STXBP5L: variants seen among roughly 807,000 people sequenced by gnomAD.
The protein encoded by STXBP5L is syntaxin-binding protein 5-like.
In STXBP5L, 65 loss-of-function variants were observed where a neutral mutation model predicts 144.5. The observed-to-expected ratio is 0.45, with a 90% CI of 0.37 to 0.55. The LOEUF is 0.55. Among genes scored for constraint, STXBP5L ranks in the 20% least tolerant of loss-of-function variants. The pLI, the probability that STXBP5L is intolerant of heterozygous loss-of-function variation, is 0.00. For synonymous variants in STXBP5L, 505 were observed against 469.6 expected (o/e 1.08, Z -0.97); for missense variants, 1,298 against 1,405.5 (o/e 0.92, Z 1.22).
In STXBP5L at chr3:121,007,058, G is replaced by T. The variant is rs889786813; in HGVS notation, c.288-34642G>T. 2.6e-5 allele frequency among the ~76,000 whole-genome samples: 4 copies of T among 152,058 alleles called. No homozygotes were observed. The East Asian group carries it at 5.8e-4, about 22-fold the overall frequency. On this transcript the variant is annotated intron_variant, in intron 3 of 26. Coordinates refer to ENST00000471454, the MANE Select transcript of STXBP5L (RefSeq NM_001308330.2). ...GTTGCTCTTCTTGAGGAGTATCTTT[G>T]TGGCGTTCTCTGTATTTCCTGAATT...
intron 9 of STXBP5L, among the ~76,000 whole-genome samples, chr3:121,181,776 A>G (rs938631793): frequency 2.6e-5 from 4 of 151,994 alleles, no homozygotes; most frequent in Non-Finnish European, 4.4e-5. Context: ...ACAAACAAAC[A>G]AAAAACAACC....
chr3:121,360,531 G>A lies in STXBP5L; in HGVS notation c.2177-18185G>A, dbSNP rs187707155. On this transcript the variant is annotated intron_variant, in intron 20 of 26. Transcript: ENST00000471454. ...TGATATTTTTGGGTGATATGATTTC[G>A]TTTCCTGCTTTTTATTTTTTGTGTA... 3.1e-3 allele frequency among the ~76,000 whole-genome samples: 464 copies of A among 151,766 alleles called. 1 individual carries two copies. Among genetic ancestry groups the A allele is most frequent in the Middle Eastern group, 0.014 (4 of 294 alleles).
At chr3:120,972,334 C>A (rs1380098993) in intron 3 of STXBP5L, among the ~76,000 whole-genome samples, 1 of 151,940 alleles carries the variant, frequency 6.6e-6, no homozygotes, top group Non-Finnish European at 1.5e-5. Flanking sequence ...CTAGCCATTG[C>A]AAATCCGATT....
intron 20 of STXBP5L, among the ~76,000 whole-genome samples, chr3:121,354,759 G>A (rs1331949606): frequency 5.3e-5 from 8 of 152,034 alleles, no homozygotes; most frequent in East Asian, 3.9e-4. Context: ...TATTTTGCCC[G>A]TTAACTGATG....
intron 3 of STXBP5L, among the ~76,000 whole-genome samples, chr3:121,022,442 A>G (rs1045563477): frequency 9.9e-5 from 15 of 152,156 alleles, no homozygotes; most frequent in East Asian, 9.6e-4. Flanking sequence ...CAAAACCAAG[A>G]AAGGACCTTA....
chr3:121,194,133 C>T (rs55913865), intron 9 of STXBP5L, among the ~76,000 whole-genome samples: 30 of 152,088 alleles, frequency 2.0e-4, no homozygotes, highest in Admixed American at 9.2e-4. Context: ...ATCAATGTTA[C>T]GATATTTTCA....
intron 3 of STXBP5L, among the ~76,000 whole-genome samples, chr3:120,960,759 G>A (rs1045433356): frequency 6.6e-6 from 1 of 151,858 alleles, no homozygotes; most frequent in Non-Finnish European, 1.5e-5. Context: ...GGGGCCTGTT[G>A]TGGGGTGGGG....
intron 3 of STXBP5L, among the ~76,000 whole-genome samples, chr3:120,965,724 C>T (rs1022027200): frequency 1.3e-5 from 2 of 152,104 alleles, no homozygotes; most frequent in African/African-American, 4.8e-5. Context: ...TCCTTCATTT[C>T]AACCTTGTTG....
chr3:121,203,410 T>C (rs1382470333), intron 9 of STXBP5L, among the ~76,000 whole-genome samples: 1 of 152,188 alleles, frequency 6.6e-6, no homozygotes, highest in Admixed American at 6.5e-5. Context: ...TTCATTATAG[T>C]ACTTCATATT....
At chr3:120,968,315 T>A (rs544391604) in intron 3 of STXBP5L, among the ~76,000 whole-genome samples, 2 of 152,330 alleles carry the variant, frequency 1.3e-5, no homozygotes, top group African/African-American at 4.8e-5. Context: ...ATAACTGTAA[T>A]ATCCTGTTAT....
intron 2 of STXBP5L, among the ~76,000 whole-genome samples, chr3:120,944,624 T>C (rs1366522520): frequency 6.6e-6 from 1 of 151,796 alleles, no homozygotes; most frequent in Non-Finnish European, 1.5e-5. Flanking sequence ...ACTGAGAAAC[T>C]AGTACCAATA....
rs552814262 is a variant in STXBP5L, at chr3:121,053,509, T to C, written c.470+7974T>C. ...AATGGGGAAAGGATTCCCTATTTAA[T>C]AAATGGTGCTGGGAAAACTGGCTAG... On this transcript the variant is annotated intron_variant, in intron 5 of 26. Transcript: ENST00000471454. Among the ~76,000 whole-genome samples, 8 of 152,334 alleles carry C rather than the reference T, an allele frequency of 5.3e-5. No individual in the cohort carries two copies. In the East Asian group the frequency reaches 1.3e-3, roughly 26 times the overall value.
At chr3:121,087,869 A>G (rs2042574438) in intron 5 of STXBP5L, among the ~76,000 whole-genome samples, 2 of 152,042 alleles carry the variant, frequency 1.3e-5, no homozygotes. Context: ...GTATTTTATT[A>G]TATACAAACA....
At chr3:120,989,624 A>T (rs890411510) in intron 3 of STXBP5L, among the ~76,000 whole-genome samples, 2 of 152,140 alleles carry the variant, frequency 1.3e-5, no homozygotes, top group Middle Eastern at 6.3e-3. Flanking sequence ...ATTGGGGACT[A>T]TAACTCGAAT....
At chr3:121,015,040 T>A (rs1266466124) in intron 3 of STXBP5L, among the ~76,000 whole-genome samples, 1 of 152,048 alleles carries the variant, frequency 6.6e-6, no homozygotes, top group Non-Finnish European at 1.5e-5. Flanking sequence ...GAGAAAAAGA[T>A]CATGTTTGTG....
intron 3 of STXBP5L, among the ~76,000 whole-genome samples, chr3:121,030,390 GA>G (rs1454137088): frequency 1.4e-4 from 22 of 152,260 alleles, no homozygotes; most frequent in African/African-American, 4.8e-4. Flanking sequence ...GGACATGGAT[GA>G]AGCTGGAAAT....
chr3:121,122,734 A>G (rs530579569), intron 7 of STXBP5L, among the ~76,000 whole-genome samples: 1 of 151,602 alleles, frequency 6.6e-6, no homozygotes, highest in Non-Finnish European at 1.5e-5. Context: ...TAAAATTACA[A>G]CTCAGAAAGT....
intron 19 of STXBP5L, among the ~76,000 whole-genome samples, chr3:121,298,932 A>G (rs550647947): frequency 6.6e-6 from 1 of 152,354 alleles, no homozygotes; most frequent in African/African-American, 2.4e-5. Flanking sequence ...ACCATTGAAT[A>G]TATGTGTTGA....
At chr3:120,951,809 A>G (rs546408475) in intron 2 of STXBP5L, among the ~76,000 whole-genome samples, 27 of 152,166 alleles carry the variant, frequency 1.8e-4, no homozygotes, top group African/African-American at 6.0e-4. Context: ...TACGGGGTAT[A>G]TACCGAAAGG....
Sources: allele counts gnomAD v4.1 joint callset (sites outside exome capture counted in the v4.1 genomes callset), GRCh38; gene constraint gnomAD v4.1.1; transcripts MANE v1.5; gene names NCBI Gene and HGNC (gene_info 2026-07-23, HGNC 2026-07-21).